Variants in PSMA8 observed in about 807,000 individuals in gnomAD.
PSMA8 encodes proteasome subunit alpha-type 8.
Under a neutral mutation model 32.4 loss-of-function variants are expected in PSMA8, and 18 were observed. That is an observed-to-expected ratio of 0.56 (90% CI 0.38 to 0.82). The LOEUF is 0.82. PSMA8 is among the 40% of genes least tolerant of loss of function. The pLI, the probability that PSMA8 is intolerant of heterozygous loss-of-function variation, is 0.00. For missense variants in PSMA8, 298 were observed against 300.7 expected (o/e 0.99, Z 0.07); for synonymous variants, 104 against 98.1 (o/e 1.06, Z -0.36).
intron 4 of PSMA8, among the ~76,000 whole-genome samples, chr18:26,165,324 G>A (rs932461980): frequency 3.3e-5 from 5 of 152,218 alleles, no homozygotes; most frequent in Admixed American, 1.3e-4. Flanking sequence ...ATGCACCCAC[G>A]CCTGCATCTA....
intron 4 of PSMA8, among the ~76,000 whole-genome samples, chr18:26,159,217 A>G (rs1214811172): frequency 6.6e-6 from 1 of 152,182 alleles, no homozygotes; most frequent in African/African-American, 2.4e-5. Context: ...AAATATTGCC[A>G]TGGTCTTTAT....
At chr18:26,151,099 G>C (rs1268920703) in intron 2 of PSMA8, among the ~76,000 whole-genome samples, 1 of 152,170 alleles carries the variant, frequency 6.6e-6, no homozygotes, top group Non-Finnish European at 1.5e-5. Context: ...TATCTTCAGG[G>C]ACTGAAGATT....
intron 6 of PSMA8, among the ~76,000 whole-genome samples, chr18:26,188,523 C>G (rs562556736): frequency 6.6e-6 from 1 of 152,060 alleles, no homozygotes; most frequent in East Asian, 1.9e-4. Context: ...TCAAAAGACC[C>G]AGAAGAGCCA....
chr18:26,180,516 G>A (rs2055301879), intron 6 of PSMA8, among the ~76,000 whole-genome samples: 1 of 152,044 alleles, frequency 6.6e-6, no homozygotes, highest in African/African-American at 2.4e-5. Flanking sequence ...CCCCTGCAGA[G>A]CCCCACATAA....
chr18:26,175,007 A>T (rs1245523288), intron 4 of PSMA8, among the ~76,000 whole-genome samples: 1 of 152,222 alleles, frequency 6.6e-6, no homozygotes, highest in Admixed American at 6.5e-5. Context: ...CAGGGCTGAA[A>T]AGACTTTAAA....
intron 6 of PSMA8, among the ~76,000 whole-genome samples, chr18:26,187,916 T>G (rs2055369558): frequency 6.6e-6 from 1 of 152,198 alleles, no homozygotes; most frequent in African/African-American, 2.4e-5. Flanking sequence ...AGACTTAAAC[T>G]GCACTGTAGA....
rs2055416783 is a variant in PSMA8 at position 26,193,076 on chromosome 18, T to C, written c.*665T>C. The C allele has an allele frequency of 6.6e-6, 1 of 152,230 alleles. No homozygotes were observed. Among genetic ancestry groups the C allele is most frequent in the Non-Finnish European group, 1.5e-5 (1 of 68,036 alleles). The allele number at this position is 152,230 out of a possible 1,614,324, so 9.4% of individuals were successfully genotyped here. ...TTCTAAGGGCATCTTAACAGGATGC[T>C]ACATGAAAATAAGGAAAGAAATTAA... On this transcript the variant is annotated 3_prime_UTR_variant, in exon 7 of 7. Transcript: ENST00000415576.
rs185755165 is a variant in PSMA8 at position 26,166,530 on chromosome 18, A to T, written c.477+8286A>T. On this transcript the variant is annotated intron_variant, in intron 4 of 6. Transcript: ENST00000415576. ...AGATTGTTAGTTTTATTAAATCTTGACTCAGGTATACATCTTTTTAACATT... is the reference window on the plus strand; with the variant it reads ...AGATTGTTAGTTTTATTAAATCTTGTCTCAGGTATACATCTTTTTAACATT... Among the ~76,000 whole-genome samples, 19 of 152,300 alleles carry T rather than the reference A, an allele frequency of 1.2e-4. 1 individual carries two copies. The East Asian group carries it at 3.7e-3, about 29-fold the overall frequency.
chr18:26,147,356 A>G (rs1372759640), intron 2 of PSMA8, among the ~76,000 whole-genome samples: 2 of 152,202 alleles, frequency 1.3e-5, no homozygotes, highest in Non-Finnish European at 2.9e-5. Flanking sequence ...TAAATCACCC[A>G]TGGGGCAATG....
Position 26,179,302 on chromosome 18 carries a change from T to G in PSMA8, c.660+172T>G, listed in dbSNP as rs1034684551. ...TTTTTTGTTTGTTTTTTGTGTTTTT[T>G]TTTTTTTTTTAAATAGAGACGGGAT... On this transcript the variant is annotated intron_variant, in intron 6 of 6. Coordinates refer to ENST00000415576, the MANE Select transcript of PSMA8 (RefSeq NM_001025096.2). Among the ~76,000 whole-genome samples the G allele has an allele frequency of 4.0e-5, 6 of 151,536 alleles. No homozygotes were observed. In the South Asian group the frequency reaches 6.2e-4, roughly 16 times the overall value.
chr18:26,190,317 T>A lies in PSMA8; in HGVS notation c.661-2002T>A, dbSNP rs181595030. Among the ~76,000 whole-genome samples the A allele has an allele frequency of 3.3e-3, 497 of 152,346 alleles. 4 individuals carry two copies. Among genetic ancestry groups the A allele is most frequent in the African/African-American group, 0.011 (440 of 41,582 alleles). ...ATTGGATTTTTTGTAACACAAAGGA[T>A]AAATGCTTGAGGGGATGGATACCCC... On this transcript the variant is annotated intron_variant, in intron 6 of 6. Coordinates refer to ENST00000415576, the MANE Select transcript of PSMA8 (RefSeq NM_001025096.2).
intron 6 of PSMA8, among the ~76,000 whole-genome samples, chr18:26,191,258 T>A (rs1224501497): frequency 6.6e-6 from 1 of 152,238 alleles, no homozygotes; most frequent in African/African-American, 2.4e-5. Flanking sequence ...ATCAATTTAA[T>A]AGATACCTCT....
At chr18:26,185,887 C>G (rs1266813555) in intron 6 of PSMA8, among the ~76,000 whole-genome samples, 1 of 150,274 alleles carries the variant, frequency 6.7e-6, no homozygotes, top group Non-Finnish European at 1.5e-5. Context: ...TATTACAAAT[C>G]CTATTGCATT....
intron 6 of PSMA8, among the ~76,000 whole-genome samples, chr18:26,188,847 G>T (rs2055378528): frequency 6.6e-6 from 1 of 152,072 alleles, no homozygotes; most frequent in African/African-American, 2.4e-5. Flanking sequence ...AAAAAGAATA[G>T]ATTAAAGACT....
intron 4 of PSMA8, among the ~76,000 whole-genome samples, chr18:26,173,951 A>G (rs762675358): frequency 6.6e-6 from 1 of 152,084 alleles, no homozygotes; most frequent in Non-Finnish European, 1.5e-5. Flanking sequence ...AATGAATACT[A>G]GATAATAACA....
chr18:26,136,726 T>C (rs2054914567), intron 1 of PSMA8, among the ~76,000 whole-genome samples: 1 of 152,222 alleles, frequency 6.6e-6, no homozygotes, highest in South Asian at 2.1e-4. Context: ...TTTAATAATC[T>C]CACACCAACT....
At position 26,152,884 on chromosome 18, in the gene PSMA8, G is replaced by A. The variant is rs145273660; in HGVS notation, c.354+902G>A. On this transcript the variant is annotated intron_variant, in intron 3 of 6. Transcript: ENST00000415576. ...TCACCTTCTGTGATGGGATGACATG[G>A]CATGGCATGAAAGCCCTGGCTAGAT... Among the ~76,000 whole-genome samples, 1,252 of 152,262 alleles carry A rather than the reference G, an allele frequency of 8.2e-3. 17 individuals carry two copies. Among genetic ancestry groups the A allele is most frequent in the African/African-American group, 0.029 (1,195 of 41,558 alleles).
chr18:26,171,590 C>T (rs1017875418), intron 4 of PSMA8, among the ~76,000 whole-genome samples: 1 of 152,072 alleles, frequency 6.6e-6, no homozygotes, highest in African/African-American at 2.4e-5. Context: ...CAAAATTAGC[C>T]GGGCTTGGTG....
At chr18:26,186,645 T>G (rs1246667721) in intron 6 of PSMA8, among the ~76,000 whole-genome samples, 2 of 152,222 alleles carry the variant, frequency 1.3e-5, no homozygotes, top group African/African-American at 4.8e-5. Context: ...ACATATGTAC[T>G]TCTTAAATCA....
Sources: gnomAD v4.1 joint callset for allele counts (sites outside exome capture counted in the v4.1 genomes callset) on GRCh38, gnomAD v4.1.1 for gene constraint, MANE v1.5 for transcripts, NCBI Gene and HGNC (gene_info 2026-07-23, HGNC 2026-07-21) for gene names.